The following ALMS1 variants were observed in gnomAD, a reference collection of about 807,000 sequenced individuals.
ALMS1 encodes the protein ALMS1 centrosome and basal body associated protein.
A neutral mutation model predicts 352.2 loss-of-function variants in ALMS1; 271 were observed. The observed-to-expected ratio is 0.77, with a 90% CI of 0.70 to 0.85. The LOEUF is 0.85. ALMS1 is among the 40% of genes least tolerant of loss of function. ALMS1 has a pLI of 0.00. For missense variants in ALMS1, 5,445 were observed against 4,870.7 expected (o/e 1.12, Z -3.51); for synonymous variants, 1,865 against 1,761.2 (o/e 1.06, Z -1.48).
At chr2:73,567,748 G>A (rs878873858) in intron 15 of ALMS1, among the ~76,000 whole-genome samples, 6 of 152,130 alleles carry the variant, frequency 3.9e-5, no homozygotes, top group Admixed American at 6.5e-5. Context: ...CAAAATGCAA[G>A]TATAAAAGAT....
intron 16 of ALMS1, among the ~76,000 whole-genome samples, chr2:73,593,307 A>T (rs1222048749): frequency 1.3e-5 from 2 of 152,146 alleles, no homozygotes; most frequent in African/African-American, 4.8e-5. Flanking sequence ...TCAACATCAC[A>T]TGGCACGGTT....
intron 1 of ALMS1, among the ~76,000 whole-genome samples, chr2:73,397,226 A>G (rs1035830151): frequency 6.6e-6 from 1 of 152,168 alleles, no homozygotes. Context: ...CTTCCCTAGT[A>G]CTAGTTAGTT....
At chr2:73,492,214 G>A (rs1218187078) in intron 10 of ALMS1, among the ~76,000 whole-genome samples, 2 of 152,076 alleles carry the variant, frequency 1.3e-5, no homozygotes, top group African/African-American at 4.8e-5. Flanking sequence ...CTACCTGTAT[G>A]TTTAGTATTT....
intron 12 of ALMS1, among the ~76,000 whole-genome samples, chr2:73,548,963 G>A (rs534410330): frequency 8.0e-4 from 122 of 152,330 alleles, no homozygotes; most frequent in Middle Eastern, 6.8e-3. Flanking sequence ...CAGAAGTTGA[G>A]AAGAACCCAA....
chr2:73,449,946 C>G lies in ALMS1; in HGVS notation c.3419C>G (p.Thr1140Ser). Reference sequence around the variant, plus strand: ...CAGAAGACTGGCACACCAACTGTAACCTCAACTTCCTACTCACAACATAGA... The same window carrying G: ...CAGAAGACTGGCACACCAACTGTAAGCTCAACTTCCTACTCACAACATAGA... ...ADQKTGTPTV[T>S]STSYSQHREK... is the part of the protein sequence containing the mutation. Residue 1140 changes from threonine (T) to serine (S), a missense_variant, in exon 8 of 23, where the codon ACC becomes AGC. Thr to Ser is a moderately conservative substitution (Grantham distance 58). Transcript: ENST00000613296. 3.1e-6 allele frequency: 5 copies of G among 1,613,932 alleles called. No individual in the cohort carries two copies. The highest frequency in any genetic ancestry group is 4.2e-6 in the Non-Finnish European group (5 of 1,179,938).
At chr2:73,456,855 C>T (rs1392797682) in intron 9 of ALMS1, 1 of 152,152 alleles carries the variant, frequency 6.6e-6, no homozygotes, top group Non-Finnish European at 1.5e-5. Context: ...ATAGTTTTCT[C>T]AGTGATCTGT....
chr2:73,573,370 G>A lies in ALMS1; in HGVS notation c.11493G>A (p.Leu3831=). 6.2e-7 allele frequency: 1 copy of A among 1,614,080 alleles called. No individual in the cohort carries two copies. The highest frequency in any genetic ancestry group is 1.7e-5 in the Admixed American group (1 of 59,982). Residue 3831 remains leucine (L), a synonymous_variant, in exon 16 of 23, where the codon CTG becomes CTA. Transcript: ENST00000613296. ...EKRSKHSKKV[L]NTGHPLVTSE... ...GGAGCAAACACAGCAAGAAAGTGCT[G>A]AATACAGGTCATCCCCTAGTGACTT...
Position 73,609,859 on chromosome 2 carries a change from A to T in ALMS1, c.*247A>T. The T allele has an allele frequency of 2.0e-6, 1 of 499,812 alleles. No homozygotes were observed. Among genetic ancestry groups the T allele is most frequent in the Non-Finnish European group, 3.6e-6 (1 of 276,428 alleles). The allele number at this position is 499,812 out of a possible 1,614,324, so 31.0% of individuals were successfully genotyped here. A position where few individuals can be genotyped will look rare whatever the true frequency, so the allele number is the denominator to read the frequency against. ...TACAATGATATGATCATTTCTCAAG[A>T]ATAAGTCCCTTTTTGTATGTGTTTT... On this transcript the variant is annotated 3_prime_UTR_variant, in exon 23 of 23. Coordinates refer to ENST00000613296, the MANE Select transcript of ALMS1 (RefSeq NM_001378454.1).
intron 1 of ALMS1, among the ~76,000 whole-genome samples, chr2:73,407,325 T>C (rs1670991668): frequency 6.6e-6 from 1 of 152,214 alleles, no homozygotes; most frequent in Non-Finnish European, 1.5e-5. Flanking sequence ...CCCAGATCCC[T>C]GATGACCCAG....
intron 16 of ALMS1, among the ~76,000 whole-genome samples, chr2:73,576,515 A>G (rs530409075): frequency 1.3e-5 from 2 of 152,046 alleles, no homozygotes; most frequent in South Asian, 4.2e-4. Flanking sequence ...ATGTTGAGGA[A>G]GTTCCCTTCT....
At chr2:73,584,917 G>A (rs919516996) in intron 16 of ALMS1, among the ~76,000 whole-genome samples, 2 of 152,042 alleles carry the variant, frequency 1.3e-5, no homozygotes, top group Non-Finnish European at 2.9e-5. Context: ...TCACTTAGAA[G>A]AATGGTCTCC....
At chr2:73,474,417 G>T (rs1672540955) in intron 9 of ALMS1, among the ~76,000 whole-genome samples, 1 of 147,406 alleles carries the variant, frequency 6.8e-6, no homozygotes, top group African/African-American at 2.5e-5. Flanking sequence ...GTGTCTATTG[G>T]TTTACATGAC....
At chr2:73,539,912 G>A (rs1184852103) in intron 12 of ALMS1, among the ~76,000 whole-genome samples, 2 of 152,210 alleles carry the variant, frequency 1.3e-5, no homozygotes, top group Non-Finnish European at 2.9e-5. Context: ...ACTTGAAAGT[G>A]ACGGGGAGAA....
At chr2:73,481,666 G>A (rs1360795084) in intron 9 of ALMS1, among the ~76,000 whole-genome samples, 1 of 150,472 alleles carries the variant, frequency 6.6e-6, no homozygotes, top group Non-Finnish European at 1.5e-5. Flanking sequence ...GTTACCTTGG[G>A]CCGTATGGCC....
At chr2:73,468,260 CTAG>C (rs1337754783) in intron 9 of ALMS1, among the ~76,000 whole-genome samples, 1 of 151,810 alleles carries the variant, frequency 6.6e-6, no homozygotes, top group Non-Finnish European at 1.5e-5. Flanking sequence ...TTTTGAAAGG[CTAG>C]TAGAAGTCCT....
At chr2:73,469,248 G>A (rs76683316) in intron 9 of ALMS1, among the ~76,000 whole-genome samples, 5,188 of 151,678 alleles carry the variant, frequency 0.034, 306 homozygotes, top group African/African-American at 0.12. Context: ...ACCAAACTAC[G>A]AAAGTAGTAA....
chr2:73,525,585 A>T (rs1025066404), intron 11 of ALMS1, among the ~76,000 whole-genome samples: 3 of 152,034 alleles, frequency 2.0e-5, no homozygotes, highest in Admixed American at 2.0e-4. Context: ...CTTTTGAGAA[A>T]TGTTTGTTCA....
At chr2:73,391,700 G>A (rs955142045) in intron 1 of ALMS1, among the ~76,000 whole-genome samples, 5 of 152,174 alleles carry the variant, frequency 3.3e-5, no homozygotes, top group African/African-American at 1.2e-4. Context: ...TTTATTTGCA[G>A]ATATTTGATA....
chr2:73,403,429 T>C (rs1670909639), intron 1 of ALMS1, among the ~76,000 whole-genome samples: 1 of 152,218 alleles, frequency 6.6e-6, no homozygotes, highest in Non-Finnish European at 1.5e-5. Context: ...TTTGGGTTAC[T>C]ATAACTTTGT....
Sources: allele counts gnomAD v4.1 joint callset (sites outside exome capture counted in the v4.1 genomes callset), GRCh38; gene constraint gnomAD v4.1.1; transcripts MANE v1.5; gene names NCBI Gene and HGNC (gene_info 2026-07-23, HGNC 2026-07-21).